PDSS2: variants seen among roughly 807,000 people sequenced by gnomAD.
The protein encoded by PDSS2 is all trans-polyprenyl-diphosphate synthase PDSS2.
PDSS2 carries 31 observed loss-of-function variants against 44.5 expected under a neutral mutation model. That is an observed-to-expected ratio of 0.70 (90% CI 0.52 to 0.94). PDSS2 has a LOEUF of 0.94. Among genes scored for constraint, PDSS2 ranks in the 40% least tolerant of loss-of-function variants. The probability of loss-of-function intolerance (pLI) is 0.00; values close to 1 mark genes in which losing one functional copy is unlikely to be tolerated. For missense variants in PDSS2, 452 were observed against 482.2 expected (o/e 0.94, Z 0.59); for synonymous variants, 157 against 180.3 (o/e 0.87, Z 1.03).
intron 1 of PDSS2, among the ~76,000 whole-genome samples, chr6:107,375,304 A>T (rs748546606): frequency 2.6e-5 from 4 of 152,130 alleles, no homozygotes; most frequent in Non-Finnish European, 5.9e-5. Context: ...TCTTTTGAAA[A>T]GATATATAAA....
At chr6:107,360,011 T>A (rs1245019860) in intron 1 of PDSS2, among the ~76,000 whole-genome samples, 1 of 152,188 alleles carries the variant, frequency 6.6e-6, no homozygotes, top group Non-Finnish European at 1.5e-5. Flanking sequence ...AGCCATTCAG[T>A]CCATGTTTCA....
intron 1 of PDSS2, among the ~76,000 whole-genome samples, chr6:107,424,036 CTTTTTTTTTT>C (rs56318621): frequency 1.3e-4 from 12 of 90,598 alleles, no homozygotes; most frequent in Middle Eastern, 0.011. Flanking sequence ...TATCTTGCAT[CTTTTTTTTTT>C]TTTTTTTTTT....
chr6:107,382,410 G>A (rs1779480198), intron 1 of PDSS2, among the ~76,000 whole-genome samples: 1 of 151,890 alleles, frequency 6.6e-6, no homozygotes, highest in South Asian at 2.1e-4. Context: ...TGGGCAATGG[G>A]GAAAAGTAAA....
chr6:107,272,932 AT>A (rs202018695), intron 3 of PDSS2, among the ~76,000 whole-genome samples: 3,058 of 151,814 alleles, frequency 0.02, 106 homozygotes, highest in African/African-American at 0.071. Context: ...CACTTTATTT[AT>A]TTTTTTTATT....
chr6:107,399,319 C>G (rs1248006244), intron 1 of PDSS2, among the ~76,000 whole-genome samples: 2 of 152,188 alleles, frequency 1.3e-5, no homozygotes, highest in Non-Finnish European at 2.9e-5. Context: ...TTGTGACTAT[C>G]ACCTGAAGTC....
intron 1 of PDSS2, among the ~76,000 whole-genome samples, chr6:107,457,518 T>G (rs1306365149): frequency 6.6e-6 from 1 of 152,222 alleles, no homozygotes; most frequent in African/African-American, 2.4e-5. Flanking sequence ...TCCTGGGAAT[T>G]GAAGGGTAGC....
intron 1 of PDSS2, among the ~76,000 whole-genome samples, chr6:107,396,030 G>T (rs963813262): frequency 6.6e-6 from 1 of 152,078 alleles, no homozygotes; most frequent in African/African-American, 2.4e-5. Context: ...CTCCCCCAAA[G>T]AACCCACGTA....
At position 107,405,586 on chromosome 6, in the gene PDSS2, G is replaced by T. The variant is rs111982020; in HGVS notation, c.296+53404C>A. 9.2e-3 allele frequency among the ~76,000 whole-genome samples: 1,395 copies of T among 152,174 alleles called. 18 individuals are homozygous for T. The highest frequency in any genetic ancestry group is 0.029 in the African/African-American group (1,196 of 41,520). On this transcript the variant is annotated intron_variant, in intron 1 of 7. Transcript: ENST00000369037. The stretch of plus-strand genomic sequence containing the variant: ...ACAGAGGCCGGGCGCGGTGGCTCAC[G>T]CCTGTAATCCCAGCACTTTGGGAGG...
At chr6:107,346,932 C>A (rs918385805) in intron 1 of PDSS2, among the ~76,000 whole-genome samples, 1 of 152,202 alleles carries the variant, frequency 6.6e-6, no homozygotes, top group Non-Finnish European at 1.5e-5. Flanking sequence ...TAGGCATGTT[C>A]AACAAGGCTC....
intron 1 of PDSS2, among the ~76,000 whole-genome samples, chr6:107,351,326 T>C (rs1778428875): frequency 2.0e-5 from 3 of 152,240 alleles, no homozygotes; most frequent in Non-Finnish European, 2.9e-5. Context: ...GTTTGTATCA[T>C]CTTGATATCA....
intron 2 of PDSS2, among the ~76,000 whole-genome samples, chr6:107,293,610 T>C (rs1445771190): frequency 1.3e-5 from 2 of 152,168 alleles, no homozygotes; most frequent in Non-Finnish European, 2.9e-5. Context: ...AGTTTCCATT[T>C]TCATTACAAA....
At chr6:107,440,222 T>G (rs961996388) in intron 1 of PDSS2, among the ~76,000 whole-genome samples, 1 of 152,222 alleles carries the variant, frequency 6.6e-6, no homozygotes, top group Non-Finnish European at 1.5e-5. Context: ...AGATATTTAT[T>G]CTGTATTTGG....
At chr6:107,432,088 T>C (rs569702974) in intron 1 of PDSS2, among the ~76,000 whole-genome samples, 1 of 152,366 alleles carries the variant, frequency 6.6e-6, no homozygotes, top group South Asian at 2.1e-4. Flanking sequence ...CTGAAATTGC[T>C]ATCAGTCTGA....
At position 107,210,439 on chromosome 6, in the gene PDSS2, C is replaced by T. The variant is rs1773158497; in HGVS notation, c.1008G>A (p.Glu336=). The change falls in exon 6 of 8, where the codon GAG becomes GAA. Residue 336 remains glutamate (E), a splice_region_variant and synonymous_variant. Coordinates refer to ENST00000369037, the MANE Select transcript of PDSS2 (RefSeq NM_020381.4). ...GRDLWIKQIG[E]AQEKGRLDYA... ...TAAAACAGGAGTAATTTCATTTTAC[C>T]TCTCCGATCTGTTTAATCCACAAAT... is the stretch of plus-strand genomic sequence containing the variant. The T allele has an allele frequency of 1.2e-6, 2 of 1,605,156 alleles. No individual in the cohort carries two copies. Among genetic ancestry groups the T allele is most frequent in the South Asian group, 1.1e-5 (1 of 90,872 alleles).
At chr6:107,439,350 A>C (rs535159941) in intron 1 of PDSS2, among the ~76,000 whole-genome samples, 23 of 152,364 alleles carry the variant, frequency 1.5e-4, no homozygotes, top group African/African-American at 5.5e-4. Context: ...CTAGCTGTCC[A>C]TCATGAGTTG....
chr6:107,293,245 C>T (rs1029621822), intron 2 of PDSS2, among the ~76,000 whole-genome samples: 3 of 152,086 alleles, frequency 2.0e-5, no homozygotes, highest in Non-Finnish European at 4.4e-5. Flanking sequence ...TGAAGGCAGA[C>T]ATTAATATCC....
intron 2 of PDSS2, among the ~76,000 whole-genome samples, chr6:107,315,545 TG>T (rs1191356294): frequency 6.6e-6 from 1 of 152,180 alleles, no homozygotes; most frequent in Non-Finnish European, 1.5e-5. Flanking sequence ...GAACACTTAT[TG>T]AGTGCTGTCA....
At chr6:107,305,948 T>C (rs1176497943) in intron 2 of PDSS2, among the ~76,000 whole-genome samples, 1 of 152,182 alleles carries the variant, frequency 6.6e-6, no homozygotes, top group Non-Finnish European at 1.5e-5. Flanking sequence ...AGAAGAATAT[T>C]GAGGATACCC....
chr6:107,449,165 T>C (rs182336150), intron 1 of PDSS2, among the ~76,000 whole-genome samples: 13 of 152,344 alleles, frequency 8.5e-5, no homozygotes, highest in African/African-American at 2.6e-4. Flanking sequence ...ATTCCTCACA[T>C]TGTCCCTGAC....
Sources: gnomAD v4.1 joint callset for allele counts (sites outside exome capture counted in the v4.1 genomes callset) on GRCh38, gnomAD v4.1.1 for gene constraint, MANE v1.5 for transcripts, NCBI Gene and HGNC (gene_info 2026-07-23, HGNC 2026-07-21) for gene names.